TAOK1: variants seen among roughly 807,000 people sequenced by gnomAD.
TAOK1 encodes TAO kinase 1.
A neutral mutation model predicts 138.3 loss-of-function variants in TAOK1; 21 were observed. The ratio of observed to expected loss-of-function variants is 0.15; its 90% CI spans 0.11 to 0.22. The LOEUF (loss-of-function observed/expected upper bound fraction) is 0.22, where lower values mean the gene tolerates loss of function less well. Among genes scored for constraint, TAOK1 ranks in the 10% least tolerant of loss-of-function variants. The pLI is 1.00. For synonymous variants in TAOK1, 361 were observed against 398.4 expected, an observed-to-expected ratio of 0.91 and a Z score of 1.12; for missense variants, 651 against 1,227.7, an observed-to-expected ratio of 0.53 and a Z score of 7.02.
intron 15 of TAOK1, 23 bp from the exon 16 acceptor site, chr17:29,517,430 T>A: frequency 6.2e-7 from 1 of 1,610,852 alleles, no homozygotes; most frequent in Non-Finnish European, 8.5e-7. Flanking sequence ...TATTTTTACC[T>A]GAGTTGTTTT....
At chr17:29,417,420 G>A (rs74925747) in intron 1 of TAOK1, among the ~76,000 whole-genome samples, 6,302 of 152,132 alleles carry the variant, frequency 0.041, 188 homozygotes, top group Non-Finnish European at 0.067. Context: ...TTGCAGATAC[G>A]TTTTTTTCGT....
At chr17:29,523,690 T>C (rs144372884) in intron 17 of TAOK1, among the ~76,000 whole-genome samples, 136 of 152,198 alleles carry the variant, frequency 8.9e-4, no homozygotes, top group Non-Finnish European at 1.2e-3. Context: ...CTGGCCCACA[T>C]GAATCTTAAT....
chr17:29,402,953 T>A (rs1410550221), intron 1 of TAOK1, among the ~76,000 whole-genome samples: 1 of 149,400 alleles, frequency 6.7e-6, no homozygotes, highest in African/African-American at 2.5e-5. Flanking sequence ...AGTGGGCAGA[T>A]CACAAGGTCA....
intron 19 of TAOK1, among the ~76,000 whole-genome samples, chr17:29,541,557 T>C (rs182011452): frequency 1.5e-3 from 229 of 151,242 alleles, no homozygotes; most frequent in Middle Eastern, 3.4e-3. Context: ...GGGAGGATCA[T>C]CTGAGGTCAG....
chr17:29,420,480 C>T (rs1905396515), intron 1 of TAOK1, among the ~76,000 whole-genome samples: 1 of 150,196 alleles, frequency 6.7e-6, no homozygotes, highest in African/African-American at 2.4e-5. Flanking sequence ...GTCTGAATGC[C>T]TTTTTTTTTC....
At chr17:29,441,765 G>A (rs2029944891) in intron 1 of TAOK1, among the ~76,000 whole-genome samples, 1 of 151,964 alleles carries the variant, frequency 6.6e-6, no homozygotes, top group African/African-American at 2.4e-5. Flanking sequence ...TGGGCGTGGT[G>A]TGCGCGCCTG....
In TAOK1 at chr17:29,467,228, A is replaced by G. The variant is rs776568161; in HGVS notation, c.204+12A>G. ...AGCAGTCTACTGAGGTAGGTTAAAT[A>G]TGTACATTCTTGTTTTTTTCTTATA... On this transcript the variant is annotated intron_variant, in intron 3 of 19. Coordinates refer to ENST00000261716, the MANE Select transcript of TAOK1 (RefSeq NM_020791.4). 1.6e-5 allele frequency: 25 copies of G among 1,540,640 alleles called. No homozygotes were observed. In the Middle Eastern group the frequency reaches 1.0e-3, roughly 63 times the overall value.
At chr17:29,400,105 C>T (rs923131556) in intron 1 of TAOK1, among the ~76,000 whole-genome samples, 1 of 152,056 alleles carries the variant, frequency 6.6e-6, no homozygotes, top group African/African-American at 2.4e-5. Context: ...TAAGAAATGA[C>T]ATTTCAGGCC....
At chr17:29,507,423 A>G (rs1233468855) in intron 13 of TAOK1, among the ~76,000 whole-genome samples, 1 of 152,090 alleles carries the variant, frequency 6.6e-6, no homozygotes, top group African/African-American at 2.4e-5. Flanking sequence ...ATTTTTATAT[A>G]TGACATAAGT....
rs1426221920 is a variant in TAOK1, at chr17:29,530,496, G to C, written c.2238G>C (p.Glu746Asp). ...QYKALRNHLL[E>D]TTPKSEHKAV... ...AAGCATTAAGAAATCACCTGCTGGA[G>C]ACTACACCAAAGAGTGAGCACAAAG... is the stretch of plus-strand genomic sequence containing the variant. The change falls in exon 18 of 20, where the codon GAG becomes GAC. Residue 746 changes from glutamate to aspartate, a missense_variant. By Grantham distance (45) the Glu-to-Asp change is conservative. This residue lies in a region of TAOK1 where 258 missense variants were observed against 548.9 expected (regional missense o/e 0.47). Transcript: ENST00000261716. 6.2e-7 allele frequency: 1 copy of C among 1,613,816 alleles called. No homozygotes were observed. Among genetic ancestry groups the C allele is most frequent in the Non-Finnish European group, 8.5e-7 (1 of 1,180,026 alleles).
intron 9 of TAOK1, 106 bp from the exon 10 acceptor site, chr17:29,491,678 A>T: frequency 1.2e-5 from 9 of 770,640 alleles, no homozygotes; most frequent in Admixed American, 4.1e-5. Context: ...TTTTTTAATC[A>T]TTCCCTTTCC....
intron 1 of TAOK1, among the ~76,000 whole-genome samples, chr17:29,430,424 C>T (rs1375103187): frequency 6.6e-6 from 1 of 152,202 alleles, no homozygotes; most frequent in Non-Finnish European, 1.5e-5. Context: ...CCTGTGCAAA[C>T]ATCCGATTGG....
chr17:29,476,843 TTTTA>T (rs1013065283), intron 4 of TAOK1, among the ~76,000 whole-genome samples: 59 of 151,496 alleles, frequency 3.9e-4, no homozygotes, highest in African/African-American at 1.4e-3. Context: ...TTTTTTAAAA[TTTTA>T]TTTATTTATT....
intron 1 of TAOK1, among the ~76,000 whole-genome samples, chr17:29,443,421 G>C (rs2029996509): frequency 6.6e-6 from 1 of 152,028 alleles, no homozygotes. Context: ...ATCCTACTTT[G>C]GTCTGAGATT....
At chr17:29,433,864 C>T (rs1011055053) in intron 1 of TAOK1, among the ~76,000 whole-genome samples, 1 of 151,928 alleles carries the variant, frequency 6.6e-6, no homozygotes, top group Non-Finnish European at 1.5e-5. Flanking sequence ...GGACGAAGAC[C>T]GATCTTAACT....
chr17:29,477,134 C>T (rs1273255619), intron 4 of TAOK1, among the ~76,000 whole-genome samples: 2 of 152,074 alleles, frequency 1.3e-5, no homozygotes, highest in African/African-American at 2.4e-5. Flanking sequence ...CATGAGCCAC[C>T]GTGCCCAGCC....
intron 19 of TAOK1, among the ~76,000 whole-genome samples, chr17:29,539,371 T>G (rs1323303337): frequency 6.6e-6 from 1 of 152,160 alleles, no homozygotes; most frequent in African/African-American, 2.4e-5. Context: ...TGGTGAAACC[T>G]CCTCTCTACC....
chr17:29,500,147 C>T (rs984825815), intron 12 of TAOK1, among the ~76,000 whole-genome samples: 4 of 151,520 alleles, frequency 2.6e-5, no homozygotes, highest in Middle Eastern at 3.2e-3. Context: ...ACCCTGTCTC[C>T]GCAAAAAAAT....
Position 29,477,718 on chromosome 17 carries a change from T to C in TAOK1, c.352+12T>C. On this transcript the variant is annotated intron_variant, in intron 5 of 19. Transcript: ENST00000261716. ...GGATTTACTAGAAGGTAAGTTCCCTTTGATTATTTTTTAAAAAGTATTCAC... is the reference window on the plus strand; with the variant it reads ...GGATTTACTAGAAGGTAAGTTCCCTCTGATTATTTTTTAAAAAGTATTCAC... 2 of 1,381,982 alleles carry C rather than the reference T, an allele frequency of 1.4e-6. No homozygotes were observed. The highest frequency in any genetic ancestry group is 9.5e-7 in the Non-Finnish European group (1 of 1,047,448). The allele number at this position is 1,381,982 out of a possible 1,614,324, so 85.6% of individuals were successfully genotyped here.
Sources: allele counts gnomAD v4.1 joint callset (sites outside exome capture counted in the v4.1 genomes callset), GRCh38; gene constraint gnomAD v4.1.1; regional missense constraint gnomAD v4.1.1; transcripts MANE v1.5; gene names NCBI Gene and HGNC (gene_info 2026-07-23, HGNC 2026-07-21).